The following ERC2 variants were observed in gnomAD, a reference collection of about 807,000 sequenced individuals.
ERC2 encodes the protein ERC protein 2.
A neutral mutation model predicts 114.8 loss-of-function variants in ERC2; 42 were observed. That is an observed-to-expected ratio of 0.37 (90% confidence interval 0.29 to 0.47). The LOEUF is 0.47. ERC2 is among the 20% of genes least tolerant of loss of function. ERC2 has a pLI of 0.99. For synonymous variants in ERC2, 454 were observed against 425.5 expected (o/e 1.07, Z -0.82); for missense variants, 939 against 1,150.7 (o/e 0.82, Z 2.66).
chr3:55,864,184 C>CATATATATATACACATATATACACAT (rs2062181795), intron 14 of ERC2, among the ~76,000 whole-genome samples: 2 of 134,564 alleles, frequency 1.5e-5, no homozygotes, highest in African/African-American at 5.9e-5. Flanking sequence ...TATATATACA[C>CATATATATATACACATATATACACAT]ATATATATAT....
intron 17 of ERC2, among the ~76,000 whole-genome samples, chr3:55,516,551 G>T (rs562783930): frequency 9.7e-4 from 147 of 152,220 alleles, no homozygotes; most frequent in African/African-American, 3.4e-3. Context: ...GCTGGGATGG[G>T]GGTGGGGCGG....
At chr3:56,397,440 A>T (rs2060354092) in intron 2 of ERC2, among the ~76,000 whole-genome samples, 2 of 152,062 alleles carry the variant, frequency 1.3e-5, no homozygotes, top group Admixed American at 6.6e-5. Context: ...ACAGGTCTAC[A>T]CAAATGCATG....
chr3:56,315,459 A>G (rs1481332471), intron 2 of ERC2, among the ~76,000 whole-genome samples: 1 of 152,210 alleles, frequency 6.6e-6, no homozygotes, highest in Non-Finnish European at 1.5e-5. Context: ...CTTGATACCA[A>G]TCTTGAGTAA....
chr3:55,955,003 G>A (rs1161258868), intron 12 of ERC2, among the ~76,000 whole-genome samples: 1 of 152,032 alleles, frequency 6.6e-6, no homozygotes, highest in Non-Finnish European at 1.5e-5. Context: ...CAAAGGACAT[G>A]GAAAAGCCTT....
rs937013564 is a variant in ERC2, at chr3:55,968,577, C to A, written c.2267+17400G>T. Among the ~76,000 whole-genome samples the A allele has an allele frequency of 2.6e-5, 4 of 152,122 alleles. No individual in the cohort carries two copies. The East Asian group carries it at 5.8e-4, about 22-fold the overall frequency. ...GGCCGTCAAAAACACCATGACAACA[C>A]ACAAATTCAACAAGAATAAACTAAC... On this transcript the variant is annotated intron_variant, in intron 12 of 17. Coordinates refer to ENST00000288221, the MANE Select transcript of ERC2 (RefSeq NM_015576.3).
intron 2 of ERC2, among the ~76,000 whole-genome samples, chr3:56,398,237 G>T: frequency 6.6e-6 from 1 of 152,188 alleles, no homozygotes; most frequent in Non-Finnish European, 1.5e-5. Context: ...ACACTTATGT[G>T]AGAGTATTTT....
chr3:56,196,553 A>G (rs973094922), intron 3 of ERC2, among the ~76,000 whole-genome samples: 37 of 146,822 alleles, frequency 2.5e-4, no homozygotes, highest in African/African-American at 8.6e-4. Context: ...TGAGTTATTG[A>G]GAAGATATAA....
At chr3:56,259,133 T>C (rs1190021439) in intron 3 of ERC2, among the ~76,000 whole-genome samples, 2 of 151,958 alleles carry the variant, frequency 1.3e-5, no homozygotes, top group East Asian at 3.9e-4. Flanking sequence ...CCACCGTGCC[T>C]GGCTAATTTT....
chr3:55,990,090 A>G (rs905572976), intron 11 of ERC2, among the ~76,000 whole-genome samples: 2 of 152,190 alleles, frequency 1.3e-5, no homozygotes, highest in African/African-American at 2.4e-5. Flanking sequence ...TCTAAGAAAA[A>G]TTTTGGTTCT....
At chr3:56,459,229 A>G (rs964716903) in intron 1 of ERC2, among the ~76,000 whole-genome samples, 2 of 152,206 alleles carry the variant, frequency 1.3e-5, no homozygotes, top group Non-Finnish European at 2.9e-5. Flanking sequence ...TCAATTTCTT[A>G]TAGGAAACCC....
chr3:56,107,277 T>C (rs1040891697), intron 6 of ERC2, among the ~76,000 whole-genome samples: 3 of 150,988 alleles, frequency 2.0e-5, no homozygotes, highest in African/African-American at 7.4e-5. Flanking sequence ...TTTTTTTTTT[T>C]TGCTAATTTT....
chr3:56,068,132 C>G (rs2076564624), intron 7 of ERC2, among the ~76,000 whole-genome samples: 1 of 152,144 alleles, frequency 6.6e-6, no homozygotes, highest in Non-Finnish European at 1.5e-5. Flanking sequence ...CCTCTTTGTA[C>G]CTCTGGTAGA....
chr3:56,173,451 T>A lies in ERC2; in HGVS notation c.1144A>T (p.Met382Leu). The A allele has an allele frequency of 2.5e-6, 4 of 1,613,918 alleles. No individual in the cohort carries two copies. The highest frequency in any genetic ancestry group is 3.4e-6 in the Non-Finnish European group (4 of 1,179,820). ...KTKALQTVIE[M>L]KDTKIASLER... ...CAAAAGTGCACAGTTCCTACCTTCA[T>A]TTCGATGACAGTCTGGAGAGCCTTC... Residue 382 changes from methionine (M) to leucine (L), a missense_variant, in exon 4 of 18, where the codon ATG becomes TTG. Physicochemically the swap from Met to Leu is conservative, Grantham distance 15. Coordinates refer to ENST00000288221, the MANE Select transcript of ERC2 (RefSeq NM_015576.3).
intron 7 of ERC2, among the ~76,000 whole-genome samples, chr3:56,040,657 T>TATATACATATATAGATGTATATGTAC (rs1442043887): frequency 1.4e-5 from 2 of 142,084 alleles, no homozygotes; most frequent in Non-Finnish European, 1.5e-5. Flanking sequence ...TGTATATGTA[T>TATATACATATATAGATGTATATGTAC]ATATACATAT....
At chr3:55,548,171 C>T (rs962984939) in intron 17 of ERC2, among the ~76,000 whole-genome samples, 2 of 152,362 alleles carry the variant, frequency 1.3e-5, no homozygotes, top group East Asian at 3.9e-4. Flanking sequence ...GTGGCCCCTA[C>T]ATTCCAGGGG....
intron 11 of ERC2, among the ~76,000 whole-genome samples, chr3:55,987,645 T>C (rs192883952): frequency 6.6e-6 from 1 of 152,234 alleles, no homozygotes; most frequent in Non-Finnish European, 1.5e-5. Context: ...TGCTCAAGTT[T>C]ACATTTTGAA....
At chr3:55,656,827 C>T (rs369522195) in intron 17 of ERC2, among the ~76,000 whole-genome samples, 4 of 138,432 alleles carry the variant, frequency 2.9e-5, no homozygotes, top group East Asian at 2.2e-4. Context: ...CCCATAGACA[C>T]GGCCTCTAGG....
At chr3:56,428,752 T>G (rs564287485) in intron 2 of ERC2, among the ~76,000 whole-genome samples, 1 of 152,362 alleles carries the variant, frequency 6.6e-6, no homozygotes, top group African/African-American at 2.4e-5. Context: ...GATTCTTTCC[T>G]AATGTGTTAA....
chr3:55,964,221 A>G (rs2068586318), intron 12 of ERC2, among the ~76,000 whole-genome samples: 1 of 152,238 alleles, frequency 6.6e-6, no homozygotes, highest in African/African-American at 2.4e-5. Context: ...CTTCATCCCC[A>G]TTTTACAGAT....
Sources: allele counts gnomAD v4.1 joint callset (sites outside exome capture counted in the v4.1 genomes callset), GRCh38; gene constraint gnomAD v4.1.1; transcripts MANE v1.5; gene names NCBI Gene and HGNC (gene_info 2026-07-23, HGNC 2026-07-21).